GABRQ: variants seen among roughly 807,000 people sequenced by gnomAD.
GABRQ encodes the protein gamma-aminobutyric acid receptor subunit theta.
In GABRQ, 19 loss-of-function variants were observed where a neutral mutation model predicts 30.5. The ratio of observed to expected loss-of-function variants is 0.62; its 90% CI spans 0.43 to 0.91. The LOEUF (loss-of-function observed/expected upper bound fraction) is 0.91. GABRQ is among the 40% of genes least tolerant of loss of function. The pLI, the probability that GABRQ is intolerant of heterozygous loss-of-function variation, is 0.00. For missense variants in GABRQ, 520 were observed against 521.4 expected (o/e 1.00, Z 0.03); for synonymous variants, 187 against 210.2 (o/e 0.89, Z 0.95).
chrX:152,658,080 G>C (rs1931182998), downstream of GABRQ, among the ~76,000 whole-genome samples: 1 of 112,199 alleles, frequency 8.9e-6, no homozygotes, highest in African/African-American at 3.2e-5. Context: ...ATCACTCTGG[G>C]TTGGGAAAGG....
chrX:152,657,662 A>G (rs188256559), downstream of GABRQ: 523 of 112,192 alleles, frequency 4.7e-3, 2 homozygotes, highest in Middle Eastern at 0.037. Flanking sequence ...CGCTTTTCAC[A>G]TAGACCTCTT....
At chrX:152,647,588 G>C (rs948625029) in intron 4 of GABRQ, among the ~76,000 whole-genome samples, 1 of 111,943 alleles carries the variant, frequency 8.9e-6, no homozygotes, top group African/African-American at 3.3e-5. Context: ...GTGAGGGAGG[G>C]AGAAGATGAA....
chrX:152,651,487 C>T (rs1323649777), intron 7 of GABRQ, 39 bp from the exon 8 acceptor site: 14 of 1,165,246 alleles, frequency 1.2e-5, no homozygotes, highest in Non-Finnish European at 1.6e-5. Flanking sequence ...AGAACGTTAG[C>T]CATCAGAGGA....
rs147983704 is a variant in GABRQ, at chrX:152,653,814, A to G, written c.*533A>G. Reference sequence around the variant, plus strand: ...CTGGGTTGGGCTGGGGTTCATAGCTAAAGGGCTAGCCATGGCTTAGAAGTT... The same window carrying G: ...CTGGGTTGGGCTGGGGTTCATAGCTGAAGGGCTAGCCATGGCTTAGAAGTT... On this transcript the variant is annotated 3_prime_UTR_variant, in exon 9 of 9. Coordinates refer to ENST00000598523, the MANE Select transcript of GABRQ (RefSeq NM_018558.4). 1,178 of 112,144 alleles carry G rather than the reference A, an allele frequency of 0.011. 11 individuals are homozygous for G. The highest frequency in any genetic ancestry group is 0.037 in the African/African-American group (1,125 of 30,696). 9.2% of individuals were successfully genotyped at this position (112,144 alleles called of 1,213,427 possible). A position where few individuals can be genotyped will look rare whatever the true frequency, so the allele number is the denominator to read the frequency against.
chrX:152,644,292 A>G (rs1209371809), intron 2 of GABRQ, among the ~76,000 whole-genome samples: 1 of 112,081 alleles, frequency 8.9e-6, no homozygotes, highest in Non-Finnish European at 1.9e-5. Flanking sequence ...ACATAACCAC[A>G]CTTTCACTTA....
Position 152,651,799 on chromosome X carries a change from G to T in GABRQ, c.1158+17G>T. ...AACGTGCAGGTTTGACTTTTTGACT[G>T]ACAATCAGCTTTCCCTGAGCACCTC... On this transcript the variant is annotated intron_variant, in intron 8 of 8. Coordinates refer to ENST00000598523, the MANE Select transcript of GABRQ (RefSeq NM_018558.4). 8.3e-7 allele frequency: 1 copy of T among 1,203,793 alleles called. No individual in the cohort carries two copies. Among genetic ancestry groups the T allele is most frequent in the South Asian group, 1.8e-5 (1 of 56,295 alleles).
chrX:152,650,004 G>GC, intron 6 of GABRQ, 125 bp downstream of exon 6: 1 of 524,896 alleles, frequency 1.9e-6, no homozygotes, highest in Non-Finnish European at 3.2e-6. Flanking sequence ...CTGGTTCCAG[G>GC]CCCCCTTAAG....
intron 2 of GABRQ, among the ~76,000 whole-genome samples, chrX:152,643,886 C>T (rs150464427): frequency 0.011 from 1,196 of 107,904 alleles, 23 homozygotes; most frequent in African/African-American, 0.041. Context: ...TCCACATCCA[C>T]ACATGCACAT....
intron 2 of GABRQ, among the ~76,000 whole-genome samples, chrX:152,645,041 C>T (rs1381853840): frequency 8.9e-6 from 1 of 112,136 alleles, no homozygotes; most frequent in Non-Finnish European, 1.9e-5. Context: ...TTCACCTGAA[C>T]ATGAACACAC....
In GABRQ at chrX:152,652,999, CAA is replaced by C. The variant is rs1931070303; in HGVS notation, c.1618_1619del (p.Lys540GlufsTer7). 8.3e-7 allele frequency: 1 copy of C among 1,210,969 alleles called. No homozygotes were observed. On this transcript the variant is annotated frameshift_variant, in exon 9 of 9. Coordinates refer to ENST00000598523, the MANE Select transcript of GABRQ (RefSeq NM_018558.4). LOFTEE classifies it low-confidence loss of function (END_TRUNC). ...AGWDLDDNND[K>X]SDCLAIKEQF... Reference sequence around the variant, plus strand: ...GCTGGGACCTTGATGACAACAATGACAAGAGCGACTGCCTTGCCATTAAGGAG... The same window carrying C: ...GCTGGGACCTTGATGACAACAATGACGAGCGACTGCCTTGCCATTAAGGAG...
intron 3 of GABRQ, 22 bp downstream of exon 3, chrX:152,645,616 A>G: frequency 3.2e-6 from 3 of 947,818 alleles, no homozygotes; most frequent in Middle Eastern, 2.6e-4. Flanking sequence ...ATTTCCAGCC[A>G]TGGGGTTGGG....
intron 2 of GABRQ, 116 bp downstream of exon 2, chrX:152,640,582 C>T: frequency 1.8e-6 from 1 of 556,996 alleles, no homozygotes. Flanking sequence ...TACACCTGTG[C>T]CTCTCCAGAT....
intron 6 of GABRQ, among the ~76,000 whole-genome samples, chrX:152,650,210 G>A (rs1930986240): frequency 8.9e-6 from 1 of 112,147 alleles, no homozygotes. Flanking sequence ...AAGTGAGAAA[G>A]GAAAGTGGAG....
Position 152,656,077 on chromosome X carries a change from A to G in GABRQ, c.*2796A>G, listed in dbSNP as rs1931143484. On this transcript the variant is annotated 3_prime_UTR_variant, in exon 9 of 9. Transcript: ENST00000598523. ...AATGAGGTGGAGATTTGGCAGTGAC[A>G]CCCTTTCGGGAACGTGAACCTTCTG... 1 of 111,497 alleles carries G rather than the reference A, an allele frequency of 9.0e-6. No homozygotes were observed. Among genetic ancestry groups the G allele is most frequent in the Non-Finnish European group, 1.9e-5 (1 of 53,028 alleles). The allele number at this position is 111,497 out of a possible 1,213,427, so 9.2% of individuals were successfully genotyped here. A position where few individuals can be genotyped will look rare whatever the true frequency, so the allele number is the denominator to read the frequency against.
rs1278326621 is a variant in GABRQ at position 152,656,406 on chromosome X, C to T, written c.*3125C>T. ...CACCTTCCATTTCTTTCCTTCCCAT[C>T]GACTTCCCCGACCCAGGATCCCTTC... On this transcript the variant is annotated 3_prime_UTR_variant, in exon 9 of 9. Coordinates refer to ENST00000598523, the MANE Select transcript of GABRQ (RefSeq NM_018558.4). 1 of 111,817 alleles carries T rather than the reference C, an allele frequency of 8.9e-6. No individual in the cohort carries two copies. Among genetic ancestry groups the T allele is most frequent in the African/African-American group, 3.3e-5 (1 of 30,665 alleles). 9.2% of individuals were successfully genotyped at this position (111,817 alleles called of 1,213,427 possible). A position where few individuals can be genotyped will look rare whatever the true frequency, so the allele number is the denominator to read the frequency against.
rs782492663 is a variant in GABRQ at position 152,650,450 on chromosome X, G to T, written c.771G>T (p.Leu257=). The T allele has an allele frequency of 8.3e-7, 1 of 1,206,400 alleles. No individual in the cohort carries two copies. Among genetic ancestry groups the T allele is most frequent in the Non-Finnish European group, 1.1e-6 (1 of 892,647 alleles). The change falls in exon 7 of 9, where the codon CTG becomes CTT. Residue 257 remains leucine (L), a synonymous_variant. Coordinates refer to ENST00000598523, the MANE Select transcript of GABRQ (RefSeq NM_018558.4). The stretch of plus-strand genomic sequence containing the variant: ...CAGGTTCCTACATACGCCTGATACT[G>T]AAGTTCCAGGTTCAGAGGGAAGTTA... ...FYTGSYIRLI[L]KFQVQREVNS... is the part of the protein sequence containing the mutation.
At chrX:152,644,812 A>C (rs1401166732) in intron 2 of GABRQ, among the ~76,000 whole-genome samples, 1 of 111,939 alleles carries the variant, frequency 8.9e-6, no homozygotes, top group African/African-American at 3.3e-5. Context: ...ACATAAACTC[A>C]TATGTATATA....
chrX:152,639,662 G>A (rs781934152), intron 1 of GABRQ, among the ~76,000 whole-genome samples: 4 of 111,830 alleles, frequency 3.6e-5, no homozygotes, highest in Non-Finnish European at 7.5e-5. Flanking sequence ...AGATATACCT[G>A]CTCCCAGAAT....
At chrX:152,658,681 G>A (rs1931193631), downstream of GABRQ, among the ~76,000 whole-genome samples, 1 of 112,039 alleles carries the variant, frequency 8.9e-6, no homozygotes. Context: ...AAGTAACAAT[G>A]CCTCCAATAG....
Sources: gnomAD v4.1 joint callset for allele counts (sites outside exome capture counted in the v4.1 genomes callset) on GRCh38, gnomAD v4.1.1 for gene constraint, MANE v1.5 for transcripts, NCBI Gene and HGNC (gene_info 2026-07-23, HGNC 2026-07-21) for gene names.